GPC3: variants seen among roughly 807,000 people sequenced by gnomAD.
GPC3 encodes glypican-3.
A neutral mutation model predicts 34.4 loss-of-function variants in GPC3; 3 were observed. The ratio of observed to expected loss-of-function variants is 0.09; its 90% CI spans 0.04 to 0.23. The LOEUF (loss-of-function observed/expected upper bound fraction) is 0.23. Ranked by LOEUF, GPC3 falls within the 10% of genes least tolerant of loss-of-function variation. The probability of loss-of-function intolerance (pLI) is 1.00; values close to 1 mark genes in which losing one functional copy is unlikely to be tolerated. For synonymous variants in GPC3, 177 were observed against 174.0 expected (o/e 1.02, Z -0.13); for missense variants, 351 against 445.6 (o/e 0.79, Z 1.91).
Position 133,971,808 on chromosome X carries a change from C to T in GPC3, c.175+13467G>A, listed in dbSNP as rs767561463. 7.2e-5 allele frequency among the ~76,000 whole-genome samples: 8 copies of T among 110,862 alleles called. No individual in the cohort carries two copies. The South Asian group carries it at 3.1e-3, about 43-fold the overall frequency. ...GAGAGTGCACAGAACATCCGTTGTT[C>T]CCCTTAACTGTGGGTGTTAGAGTAA... On this transcript the variant is annotated intron_variant, in intron 1 of 7. Coordinates refer to ENST00000370818, the MANE Select transcript of GPC3 (RefSeq NM_004484.4).
rs781091042 is a variant in GPC3 at position 133,722,585 on chromosome X, G to A, written c.1033-22557C>T. Among the ~76,000 whole-genome samples, 4 of 111,891 alleles carry A rather than the reference G, an allele frequency of 3.6e-5. No individual in the cohort carries two copies. In the South Asian group the frequency reaches 1.1e-3, roughly 31 times the overall value. On this transcript the variant is annotated intron_variant, in intron 3 of 7. Transcript: ENST00000370818. Reference sequence around the variant, plus strand: ...ATAGTATAAAACACTATATTTAACCGGGCATCATTCCTAAAATTGTACAGG... The same window carrying A: ...ATAGTATAAAACACTATATTTAACCAGGCATCATTCCTAAAATTGTACAGG...
intron 3 of GPC3, among the ~76,000 whole-genome samples, chrX:133,727,145 T>G (rs2071416333): frequency 8.9e-6 from 1 of 112,178 alleles, no homozygotes; most frequent in Non-Finnish European, 1.9e-5. Context: ...ATATGAAGTG[T>G]CTAGCACAAA....
chrX:133,536,656 A>AC (rs2069296525), intron 7 of GPC3, among the ~76,000 whole-genome samples: 1 of 109,971 alleles, frequency 9.1e-6, no homozygotes, highest in Non-Finnish European at 1.9e-5. Flanking sequence ...GGGCATTTTC[A>AC]CCAGATCTTA....
intron 7 of GPC3, among the ~76,000 whole-genome samples, chrX:133,586,054 A>G (rs2069785850): frequency 8.9e-6 from 1 of 112,211 alleles, no homozygotes; most frequent in Non-Finnish European, 1.9e-5. Flanking sequence ...CAGATGGGAA[A>G]GTATCACAGC....
intron 2 of GPC3, among the ~76,000 whole-genome samples, chrX:133,814,717 A>C (rs765240727): frequency 9.1e-6 from 1 of 110,058 alleles, no homozygotes; most frequent in East Asian, 2.9e-4. Context: ...ACAGGCATAC[A>C]CCACCACGCC....
chrX:133,639,560 A>C (rs2070461537), intron 6 of GPC3, among the ~76,000 whole-genome samples: 1 of 112,132 alleles, frequency 8.9e-6, no homozygotes, highest in Non-Finnish European at 1.9e-5. Context: ...ATAGTCCATA[A>C]ACCAAATACA....
chrX:133,625,613 T>A (rs1040891638), intron 6 of GPC3, among the ~76,000 whole-genome samples: 15 of 111,750 alleles, frequency 1.3e-4, no homozygotes, highest in Non-Finnish European at 2.8e-4. Context: ...TTCCAAGGGA[T>A]GTGAAGGACC....
At chrX:133,882,836 T>C (rs2076047658) in intron 2 of GPC3, among the ~76,000 whole-genome samples, 1 of 111,312 alleles carries the variant, frequency 9.0e-6, no homozygotes, top group African/African-American at 3.3e-5. Context: ...ATCTATCCAA[T>C]CCCTTGAGAA....
chrX:133,580,939 C>T (rs1026470889), intron 7 of GPC3, among the ~76,000 whole-genome samples: 3 of 111,985 alleles, frequency 2.7e-5, no homozygotes, highest in African/African-American at 6.5e-5. Context: ...CCCATATGGT[C>T]GGTGGTTCAA....
chrX:133,627,384 A>G (rs1231123274), intron 6 of GPC3, among the ~76,000 whole-genome samples: 1 of 111,926 alleles, frequency 8.9e-6, no homozygotes, highest in African/African-American at 3.2e-5. Flanking sequence ...GTATTCTTAA[A>G]CCATGAATAA....
chrX:133,590,073 T>C (rs774189801), intron 7 of GPC3, among the ~76,000 whole-genome samples: 36 of 111,154 alleles, frequency 3.2e-4, no homozygotes, highest in Non-Finnish European at 5.8e-4. Flanking sequence ...CTAGATAGGC[T>C]CCTTTCTGCC....
chrX:133,758,902 A>G (rs1346384519), intron 2 of GPC3, among the ~76,000 whole-genome samples: 1 of 111,017 alleles, frequency 9.0e-6, no homozygotes, highest in African/African-American at 3.3e-5. Context: ...TCTTCACTTG[A>G]TAAAGAACGT....
chrX:133,886,208 G>A (rs1383728026), intron 2 of GPC3, among the ~76,000 whole-genome samples: 1 of 110,358 alleles, frequency 9.1e-6, no homozygotes, highest in African/African-American at 3.3e-5. Context: ...TCTAATCAGA[G>A]ATTAGAACTC....
intron 2 of GPC3, among the ~76,000 whole-genome samples, chrX:133,941,906 A>G (rs17000536): frequency 0.015 from 1,741 of 112,345 alleles, 34 homozygotes; most frequent in African/African-American, 0.053. Context: ...ATTTTTCCAA[A>G]TGATGAAAGA....
intron 6 of GPC3, among the ~76,000 whole-genome samples, chrX:133,658,829 C>CTA (rs1291922194): frequency 8.9e-6 from 1 of 112,018 alleles, no homozygotes; most frequent in Non-Finnish European, 1.9e-5. Context: ...ACTCTATGTA[C>CTA]ATCTCCCTAC....
rs369459584 is a variant in GPC3, at chrX:133,974,038, T to TTTTTG, written c.175+11232_175+11236dup. Among the ~76,000 whole-genome samples, 494 of 111,769 alleles carry TTTTTG rather than the reference T, an allele frequency of 4.4e-3. 9 individuals carry two copies. Among genetic ancestry groups the TTTTTG allele is most frequent in the Admixed American group, 0.037 (388 of 10,509 alleles). The stretch of plus-strand genomic sequence containing the variant: ...TAACAGCTAATAACTTTCAGCGTTT[T>TTTTTG]TTTTGTTTTGTTTTGTTTTGTTTTG... On this transcript the variant is annotated intron_variant, in intron 1 of 7. Coordinates refer to ENST00000370818, the MANE Select transcript of GPC3 (RefSeq NM_004484.4).
At chrX:133,910,257 T>A (rs929402842) in intron 2 of GPC3, among the ~76,000 whole-genome samples, 18 of 111,046 alleles carry the variant, frequency 1.6e-4, no homozygotes, top group Non-Finnish European at 3.4e-4. Context: ...TAATAAAAAA[T>A]TAAAAAAAAG....
At chrX:133,900,103 G>A (rs1402354054) in intron 2 of GPC3, among the ~76,000 whole-genome samples, 3 of 111,797 alleles carry the variant, frequency 2.7e-5, no homozygotes, top group East Asian at 2.8e-4. Context: ...GCGCCCGGCC[G>A]GTCTAATGGT....
rs771370045 is a variant in GPC3 at position 133,964,899 on chromosome X, C to G, written c.176-11688G>C. The stretch of plus-strand genomic sequence containing the variant: ...TAACAGTAGTTGCCACCCACATCCC[C>G]CTCAGGAAGCACACTGACATTTTTG... On this transcript the variant is annotated intron_variant, in intron 1 of 7. Transcript: ENST00000370818. Among the ~76,000 whole-genome samples, 3 of 109,427 alleles carry G rather than the reference C, an allele frequency of 2.7e-5. No homozygotes were observed. The Admixed American group carries it at 2.9e-4, about 11-fold the overall frequency.
Sources: gnomAD v4.1 joint callset for allele counts (sites outside exome capture counted in the v4.1 genomes callset) on GRCh38, gnomAD v4.1.1 for gene constraint, MANE v1.5 for transcripts, NCBI Gene and HGNC (gene_info 2026-07-23, HGNC 2026-07-21) for gene names.